NTRK3: variants seen among roughly 807,000 people sequenced by gnomAD.
NTRK3 encodes the protein NT-3 growth factor receptor.
A neutral mutation model predicts 91.7 loss-of-function variants in NTRK3; 24 were observed. The ratio of observed to expected loss-of-function variants is 0.26; its 90% CI spans 0.19 to 0.37. The LOEUF (loss-of-function observed/expected upper bound fraction) is 0.37, where lower values mean the gene tolerates loss of function less well. NTRK3 is among the 10% of genes least tolerant of loss of function. The pLI, the probability that NTRK3 is intolerant of heterozygous loss-of-function variation, is 1.00. For missense variants in NTRK3, 880 were observed against 1,068.9 expected, an observed-to-expected ratio of 0.82 and a Z score of 2.46; for synonymous variants, 483 against 404.0, an observed-to-expected ratio of 1.20 and a Z score of -2.34.
intron 13 of NTRK3, among the ~76,000 whole-genome samples, chr15:88,034,032 A>C (rs2078846139): frequency 6.6e-6 from 1 of 152,144 alleles, no homozygotes; most frequent in African/African-American, 2.4e-5. Context: ...AATCAGGATC[A>C]AGAAACTCTG....
intron 5 of NTRK3, among the ~76,000 whole-genome samples, chr15:88,183,099 A>T (rs757534097): frequency 8.1e-5 from 12 of 148,350 alleles, no homozygotes; most frequent in Non-Finnish European, 1.5e-4. Flanking sequence ...TTCACATTAC[A>T]TATGAGTGGA....
intron 13 of NTRK3, among the ~76,000 whole-genome samples, chr15:88,067,639 G>A (rs1181648033): frequency 1.3e-5 from 2 of 152,200 alleles, no homozygotes; most frequent in Non-Finnish European, 2.9e-5. Flanking sequence ...GGGGGCTGAA[G>A]GCTCTCTAGA....
intron 6 of NTRK3, 83 bp from the exon 7 acceptor site, chr15:88,137,644 C>T (rs1597524821): frequency 1.4e-6 from 2 of 1,440,838 alleles, no homozygotes; most frequent in East Asian, 4.7e-5. Flanking sequence ...ACAAGGGGGA[C>T]CCGACCTGTT....
At chr15:88,052,808 G>A (rs1273513490) in intron 13 of NTRK3, among the ~76,000 whole-genome samples, 1 of 152,162 alleles carries the variant, frequency 6.6e-6, no homozygotes, top group Non-Finnish European at 1.5e-5. Flanking sequence ...TGCAGCAACG[G>A]AAGCACTCAC....
At chr15:88,064,638 T>A (rs1567323263) in intron 13 of NTRK3, among the ~76,000 whole-genome samples, 1 of 152,162 alleles carries the variant, frequency 6.6e-6, no homozygotes, top group Admixed American at 6.5e-5. Flanking sequence ...AGCTACCACA[T>A]TGTAACTTCC....
At chr15:87,893,209 C>A (rs1364646206) in intron 17 of NTRK3, among the ~76,000 whole-genome samples, 1 of 152,182 alleles carries the variant, frequency 6.6e-6, no homozygotes, top group Non-Finnish European at 1.5e-5. Context: ...CCTCCTCAAG[C>A]CATCAGCTCT....
At chr15:88,119,812 A>C (rs1305980279) in intron 13 of NTRK3, among the ~76,000 whole-genome samples, 3 of 152,208 alleles carry the variant, frequency 2.0e-5, no homozygotes, top group African/African-American at 7.2e-5. Flanking sequence ...CCCCTGCTAA[A>C]TGTAGTCAAA....
chr15:88,254,391 G>A (rs567151484), intron 3 of NTRK3, among the ~76,000 whole-genome samples: 1 of 152,276 alleles, frequency 6.6e-6, no homozygotes, highest in African/African-American at 2.4e-5. Context: ...CCCGCCCCTT[G>A]GCTGTTTATC....
chr15:87,945,868 T>C (rs1276335019), intron 14 of NTRK3, among the ~76,000 whole-genome samples: 1 of 151,428 alleles, frequency 6.6e-6, no homozygotes, highest in Non-Finnish European at 1.5e-5. Context: ...TACTTACTAA[T>C]TGAATCCTAT....
At chr15:88,190,591 CT>C (rs1177043079) in intron 3 of NTRK3, among the ~76,000 whole-genome samples, 10 of 152,188 alleles carry the variant, frequency 6.6e-5, no homozygotes, top group Admixed American at 6.5e-4. Flanking sequence ...AGGCCATCAC[CT>C]CTTAAGCTGT....
At chr15:87,887,783 A>G (rs2065634635) in intron 17 of NTRK3, among the ~76,000 whole-genome samples, 2 of 152,186 alleles carry the variant, frequency 1.3e-5, no homozygotes, top group African/African-American at 4.8e-5. Flanking sequence ...GAATAGTGCT[A>G]ATTAATTAAT....
intron 13 of NTRK3, among the ~76,000 whole-genome samples, chr15:88,124,500 G>A (rs1366736192): frequency 6.6e-6 from 1 of 152,180 alleles, no homozygotes; most frequent in Non-Finnish European, 1.5e-5. Flanking sequence ...GCCTCCTCAG[G>A]GGAAGAGCAA....
intron 14 of NTRK3, among the ~76,000 whole-genome samples, chr15:87,965,206 A>T (rs1238487907): frequency 6.6e-6 from 1 of 152,228 alleles, no homozygotes; most frequent in Non-Finnish European, 1.5e-5. Context: ...GGGATGGTGG[A>T]TAATTTATGT....
chr15:87,994,679 A>T (rs2075556476), intron 14 of NTRK3, among the ~76,000 whole-genome samples: 1 of 152,212 alleles, frequency 6.6e-6, no homozygotes, highest in Non-Finnish European at 1.5e-5. Context: ...TAAAACAGGA[A>T]TTGTTTCTTC....
At chr15:87,996,573 G>A (rs971349069) in intron 14 of NTRK3, among the ~76,000 whole-genome samples, 29 of 152,184 alleles carry the variant, frequency 1.9e-4, no homozygotes, top group South Asian at 2.1e-4. Flanking sequence ...GGAGAGCAAC[G>A]GAAAAGAAGT....
At chr15:88,214,145 A>T (rs2049514650) in intron 3 of NTRK3, among the ~76,000 whole-genome samples, 1 of 152,166 alleles carries the variant, frequency 6.6e-6, no homozygotes, top group African/African-American at 2.4e-5. Context: ...GCCACTGTAG[A>T]GTTTCCCGGG....
rs2072626050 is a variant in NTRK3 at position 87,964,629 on chromosome 15, TCC to T, written c.1586-23878_1586-23877del. On this transcript the variant is annotated intron_variant, in intron 14 of 18. Transcript: ENST00000394480. ...TCATCACCCCAACAAGAACCCTGGGTCCATTTATAGTTAATCCCTGCTTCCAA... is the reference window on the plus strand; with the variant it reads ...TCATCACCCCAACAAGAACCCTGGGTATTTATAGTTAATCCCTGCTTCCAA... Among the ~76,000 whole-genome samples the T allele has an allele frequency of 2.0e-5, 3 of 152,172 alleles. No individual in the cohort carries two copies. The South Asian group carries it at 6.2e-4, about 32-fold the overall frequency.
chr15:88,241,822 A>T lies in NTRK3; in HGVS notation c.248+14084T>A, dbSNP rs1384421225. On this transcript the variant is annotated intron_variant, in intron 3 of 18. Coordinates refer to ENST00000394480, the Ensembl canonical transcript of NTRK3. This position sits in a 1 kb window ranked among gnomAD's most constrained non-coding sequence, Gnocchi z 4.3. ...CGGGAATGGACGGAATCTGCCGTGC[A>T]CTCTCAGCAAAGCTTGGCCCACCTC... Among the ~76,000 whole-genome samples, 1 of 151,972 alleles carries T rather than the reference A, an allele frequency of 6.6e-6. No individual in the cohort carries two copies. The highest frequency in any genetic ancestry group is 1.5e-5 in the Non-Finnish European group (1 of 67,990).
At chr15:87,913,632 A>G (rs2067248284) in intron 17 of NTRK3, among the ~76,000 whole-genome samples, 2 of 152,236 alleles carry the variant, frequency 1.3e-5, no homozygotes, top group African/African-American at 2.4e-5. Context: ...AATACTAGGT[A>G]TCAAGGCAAT....
Sources: gnomAD v4.1 joint callset for allele counts (sites outside exome capture counted in the v4.1 genomes callset) on GRCh38, gnomAD v4.1.1 for gene constraint, Gnocchi (gnomAD v3.1) non-coding constraint, MANE v1.5 for transcripts, NCBI Gene and HGNC (gene_info 2026-07-23, HGNC 2026-07-21) for gene names.